The following GAREM1 variants were observed in gnomAD, a reference collection of about 807,000 sequenced individuals.
The protein encoded by GAREM1 is GRB2-associated and regulator of MAPK protein 1.
A neutral mutation model predicts 71.3 loss-of-function variants in GAREM1; 26 were observed. The observed-to-expected ratio is 0.36, with a 90% confidence interval of 0.27 to 0.51. GAREM1 has a LOEUF of 0.51. GAREM1 is among the 20% of genes least tolerant of loss of function. The pLI is 0.95. For missense variants in GAREM1, 1,026 were observed against 1,103.1 expected (o/e 0.93, Z 0.99); for synonymous variants, 440 against 433.2 (o/e 1.02, Z -0.20).
chr18:32,337,343 C>T (rs772864252), intron 2 of GAREM1, among the ~76,000 whole-genome samples: 7 of 152,196 alleles, frequency 4.6e-5, no homozygotes, highest in Non-Finnish European at 1.0e-4. Flanking sequence ...GCAGATGAAA[C>T]TATCTGATGA....
At chr18:32,358,824 G>C (rs571107370) in intron 2 of GAREM1, among the ~76,000 whole-genome samples, 30 of 152,260 alleles carry the variant, frequency 2.0e-4, no homozygotes, top group African/African-American at 6.7e-4. Context: ...TCCAAACAAT[G>C]TATCTATTAG....
chr18:32,295,615 T>C (rs569784158), intron 3 of GAREM1, among the ~76,000 whole-genome samples: 1 of 152,362 alleles, frequency 6.6e-6, no homozygotes, highest in East Asian at 1.9e-4. Flanking sequence ...TCTTACCTTC[T>C]ATTCTAGGTG....
chr18:32,405,548 A>G (rs2048356770), intron 1 of GAREM1, among the ~76,000 whole-genome samples: 1 of 152,172 alleles, frequency 6.6e-6, no homozygotes, highest in African/African-American at 2.4e-5. Flanking sequence ...GAAGGGACTG[A>G]CTATCAAATA....
chr18:32,330,686 T>C (rs1204116934), intron 2 of GAREM1, among the ~76,000 whole-genome samples: 1 of 151,718 alleles, frequency 6.6e-6, no homozygotes, highest in African/African-American at 2.4e-5. Context: ...AATAAATACA[T>C]TTAAATGGGA....
At chr18:32,325,907 T>A (rs1007916510) in intron 2 of GAREM1, among the ~76,000 whole-genome samples, 2 of 152,176 alleles carry the variant, frequency 1.3e-5, no homozygotes, top group Non-Finnish European at 2.9e-5. Context: ...AAGTGGCACA[T>A]GACAAGGACT....
At chr18:32,465,105 A>C (rs758523897) in intron 1 of GAREM1, among the ~76,000 whole-genome samples, 1 of 152,188 alleles carries the variant, frequency 6.6e-6, no homozygotes. Flanking sequence ...TCTTGGCTCC[A>C]AATCCAGTAT....
rs1344657751 is a variant in GAREM1 at position 32,470,483 on chromosome 18, G to A, written c.-55C>T. On this transcript the variant is annotated 5_prime_UTR_variant, in exon 1 of 6. Transcript: ENST00000269209. This position sits in a 1 kb window ranked among gnomAD's most constrained non-coding sequence, Gnocchi z 4.4. ...CCCGCCGCCGCCACCGGCACCACCC[G>A]CGCCTCGGCGGCCGCCGCTGCTCGC... is the stretch of plus-strand genomic sequence containing the variant. 35 of 1,196,114 alleles carry A rather than the reference G, an allele frequency of 2.9e-5. No individual in the cohort carries two copies. The highest frequency in any genetic ancestry group is 4.5e-5 in the Admixed American group (1 of 22,348). 74.1% of individuals were successfully genotyped at this position (1,196,114 alleles called of 1,614,324 possible).
chr18:32,424,647 C>T (rs570912474), intron 1 of GAREM1, among the ~76,000 whole-genome samples: 1 of 152,136 alleles, frequency 6.6e-6, no homozygotes, highest in Admixed American at 6.5e-5. Flanking sequence ...TATTTGGAAC[C>T]AGATGAGATC....
chr18:32,338,644 T>C (rs897849527), intron 2 of GAREM1, among the ~76,000 whole-genome samples: 2 of 152,206 alleles, frequency 1.3e-5, no homozygotes, highest in Non-Finnish European at 2.9e-5. Flanking sequence ...TTTGGATGTT[T>C]TGGACACTTG....
chr18:32,324,470 G>A (rs576376468), intron 2 of GAREM1, among the ~76,000 whole-genome samples: 1 of 152,280 alleles, frequency 6.6e-6, no homozygotes, highest in South Asian at 2.1e-4. Context: ...AGGAAAAAAA[G>A]TGCCTTGATT....
At chr18:32,453,563 C>T (rs2048861038) in intron 1 of GAREM1, among the ~76,000 whole-genome samples, 1 of 152,092 alleles carries the variant, frequency 6.6e-6, no homozygotes, top group Non-Finnish European at 1.5e-5. Context: ...ATCTCTGCAA[C>T]CATCGTTACC....
At chr18:32,300,976 T>C (rs181071604) in intron 3 of GAREM1, among the ~76,000 whole-genome samples, 3 of 152,144 alleles carry the variant, frequency 2.0e-5, no homozygotes, top group Admixed American at 2.0e-4. Flanking sequence ...TCTTCATTTT[T>C]TCAGCACTTT....
intron 2 of GAREM1, among the ~76,000 whole-genome samples, chr18:32,352,424 T>C (rs16963225): frequency 0.087 from 13,194 of 152,076 alleles, 960 homozygotes; most frequent in African/African-American, 0.2. Context: ...CTCAGAATCT[T>C]TTCACAGTCA....
At chr18:32,371,263 C>T (rs1345515406) in intron 2 of GAREM1, among the ~76,000 whole-genome samples, 2 of 152,120 alleles carry the variant, frequency 1.3e-5, no homozygotes, top group African/African-American at 4.8e-5. Flanking sequence ...TGGCCTTTCT[C>T]TTGTTGGTCT....
chr18:32,428,196 C>G (rs2048592466), intron 1 of GAREM1, among the ~76,000 whole-genome samples: 1 of 152,162 alleles, frequency 6.6e-6, no homozygotes, highest in African/African-American at 2.4e-5. Flanking sequence ...ATTTTGTAAC[C>G]TTCCTGAAGG....
At chr18:32,432,534 A>G (rs1250614479) in intron 1 of GAREM1, among the ~76,000 whole-genome samples, 1 of 152,186 alleles carries the variant, frequency 6.6e-6, no homozygotes, top group East Asian at 1.9e-4. Flanking sequence ...GATCAATAAA[A>G]TTGATAAATG....
chr18:32,413,979 T>C (rs1345073442), intron 1 of GAREM1, among the ~76,000 whole-genome samples: 1 of 152,132 alleles, frequency 6.6e-6, no homozygotes, highest in East Asian at 1.9e-4. Context: ...TTCCTAAACT[T>C]GTCATCTGAG....
intron 2 of GAREM1, among the ~76,000 whole-genome samples, chr18:32,385,904 AT>A (rs1239096028): frequency 6.6e-6 from 1 of 152,228 alleles, no homozygotes; most frequent in African/African-American, 2.4e-5. Flanking sequence ...ACATGAAAAA[AT>A]AAAAGTAAAA....
chr18:32,395,980 T>A (rs968361883), intron 1 of GAREM1, among the ~76,000 whole-genome samples: 29 of 152,240 alleles, frequency 1.9e-4, no homozygotes, highest in Non-Finnish European at 5.9e-5. Context: ...AGAGGAACAA[T>A]CAGGCAGCAA....
Sources: allele counts gnomAD v4.1 joint callset (sites outside exome capture counted in the v4.1 genomes callset), GRCh38; gene constraint gnomAD v4.1.1; non-coding constraint Gnocchi (gnomAD v3.1); transcripts MANE v1.5; gene names NCBI Gene and HGNC (gene_info 2026-07-23, HGNC 2026-07-21).